FMN1: variants seen among roughly 807,000 people sequenced by gnomAD.
FMN1 encodes the protein formin-1.
A neutral mutation model predicts 132.4 loss-of-function variants in FMN1; 110 were observed. The ratio of observed to expected loss-of-function variants is 0.83; its 90% CI spans 0.71 to 0.97. The LOEUF (loss-of-function observed/expected upper bound fraction) is 0.97, where lower values mean the gene tolerates loss of function less well. Among genes scored for constraint, FMN1 ranks in the 50% least tolerant of loss-of-function variants. The probability of loss-of-function intolerance (pLI) is 0.00; values close to 1 mark genes in which losing one functional copy is unlikely to be tolerated. For synonymous variants in FMN1, 722 were observed against 651.7 expected (o/e 1.11, Z -1.64); for missense variants, 1,792 against 1,705.3 (o/e 1.05, Z -0.90).
intron 3 of FMN1, among the ~76,000 whole-genome samples, chr15:33,172,285 G>T (rs1277123296): frequency 6.6e-6 from 1 of 152,138 alleles, no homozygotes; most frequent in African/African-American, 2.4e-5. Flanking sequence ...ATGAAAATTT[G>T]ATGTAATTAC....
intron 7 of FMN1, among the ~76,000 whole-genome samples, chr15:32,996,368 C>T (rs2033769908): frequency 6.6e-6 from 1 of 152,184 alleles, no homozygotes; most frequent in African/African-American, 2.4e-5. Flanking sequence ...TGAATGGTCA[C>T]TTGACTTCAT....
intron 11 of FMN1, 119 bp downstream of exon 11, chr15:32,910,355 C>G: frequency 5.2e-6 from 4 of 765,690 alleles, no homozygotes; most frequent in Non-Finnish European, 8.8e-6. Context: ...TGTTTCTATG[C>G]CTTAATCTCT....
intron 4 of FMN1, among the ~76,000 whole-genome samples, chr15:33,096,248 G>C (rs764457122): frequency 2.0e-5 from 3 of 152,158 alleles, no homozygotes; most frequent in Non-Finnish European, 2.9e-5. Context: ...CTTTGCCTTA[G>C]CTCCATCCCA....
At chr15:32,825,740 C>G (rs1330518724) in intron 17 of FMN1, among the ~76,000 whole-genome samples, 3 of 152,220 alleles carry the variant, frequency 2.0e-5, no homozygotes, top group African/African-American at 4.8e-5. Context: ...CTCTATTACC[C>G]TTTTCATTGC....
At chr15:32,784,351 T>G (rs1051623033) in intron 19 of FMN1, among the ~76,000 whole-genome samples, 2 of 151,994 alleles carry the variant, frequency 1.3e-5, no homozygotes. Flanking sequence ...TTTATGTATG[T>G]TTTTAGACAA....
chr15:32,849,723 C>T (rs1002271739), intron 17 of FMN1, among the ~76,000 whole-genome samples: 2 of 151,904 alleles, frequency 1.3e-5, no homozygotes, highest in African/African-American at 2.4e-5. Context: ...GTGGTATGAT[C>T]TCAGCTCACT....
intron 7 of FMN1, among the ~76,000 whole-genome samples, chr15:32,971,961 G>C (rs988212982): frequency 6.6e-6 from 1 of 152,084 alleles, no homozygotes. Flanking sequence ...GCAGCTCTGA[G>C]GTAAGGCATT....
Position 32,939,467 on chromosome 15 carries a change from T to C in FMN1, c.3139-13206A>G, listed in dbSNP as rs115867954. Among the ~76,000 whole-genome samples the C allele has an allele frequency of 7.2e-3, 1,100 of 152,320 alleles. 9 individuals carry two copies. The highest frequency in any genetic ancestry group is 0.026 in the African/African-American group (1,065 of 41,570). On this transcript the variant is annotated intron_variant, in intron 9 of 20. Transcript: ENST00000616417. The stretch of plus-strand genomic sequence containing the variant: ...GACAAAGATTTTTTTTTTAATTTGT[T>C]ATCAACCAATATTACTACTTCGCTT...
chr15:33,050,346 C>T (rs2036911106), intron 6 of FMN1, among the ~76,000 whole-genome samples: 1 of 152,076 alleles, frequency 6.6e-6, no homozygotes, highest in South Asian at 2.1e-4. Context: ...AAAGAAGAGT[C>T]ATGGCAAGTT....
At chr15:32,878,898 G>A (rs1348582250) in intron 16 of FMN1, among the ~76,000 whole-genome samples, 3 of 152,102 alleles carry the variant, frequency 2.0e-5, no homozygotes, top group Non-Finnish European at 2.9e-5. Flanking sequence ...GAAATAGAGG[G>A]TGCAAACTGA....
chr15:32,925,839 T>C (rs998557), intron 10 of FMN1, among the ~76,000 whole-genome samples: 24,928 of 152,156 alleles, frequency 0.16, 2,725 homozygotes, highest in Non-Finnish European at 0.24. Context: ...GGTGGGCAGA[T>C]TGCATGAGCC....
chr15:32,920,993 G>A (rs2060806751), intron 10 of FMN1, among the ~76,000 whole-genome samples: 1 of 152,166 alleles, frequency 6.6e-6, no homozygotes, highest in Non-Finnish European at 1.5e-5. Context: ...TCACCTGGGT[G>A]CCAGACACAG....
intron 7 of FMN1, among the ~76,000 whole-genome samples, chr15:33,000,414 A>G (rs1008570638): frequency 5.6e-5 from 8 of 143,812 alleles, no homozygotes; most frequent in African/African-American, 1.5e-4. Context: ...CTGCCACTGC[A>G]CTCCAGCCTG....
rs2060224600 is a variant in FMN1 at position 32,898,892 on chromosome 15, T to C, written c.3656A>G (p.Asp1219Gly). ...GTAGTCCACCAGATTAATCCCATTATCCTAGGTTTAAAAGAGAAATGTACA... is the reference window on the plus strand; with the variant it reads ...GTAGTCCACCAGATTAATCCCATTACCCTAGGTTTAAAAGAGAAATGTACA... ...LPKLKDVKSR[D>G]NGINLVDYVV... The change falls in exon 15 of 21, where the codon GAT becomes GGT. Residue 1219 changes from aspartate (D) to glycine (G), a missense_variant and splice_region_variant. This residue lies in a region of FMN1 where 1,150 missense variants were observed against 1,043.1 expected (regional missense o/e 1.10). Coordinates refer to ENST00000616417, the MANE Select transcript of FMN1 (RefSeq NM_001277313.2). 6.3e-7 allele frequency: 1 copy of C among 1,582,950 alleles called. No homozygotes were observed. The highest frequency in any genetic ancestry group is 1.3e-5 in the African/African-American group (1 of 74,200).
chr15:32,934,598 CTTT>C (rs376553575), intron 9 of FMN1, among the ~76,000 whole-genome samples: 11 of 127,102 alleles, frequency 8.7e-5, no homozygotes, highest in Non-Finnish European at 6.7e-5. Flanking sequence ...AATTTTTTTC[CTTT>C]TTTTTTTTTT....
At chr15:32,828,035 G>A (rs1214298218) in intron 17 of FMN1, among the ~76,000 whole-genome samples, 3 of 152,214 alleles carry the variant, frequency 2.0e-5, no homozygotes, top group African/African-American at 4.8e-5. Flanking sequence ...GCTCATGCCT[G>A]TAATCCCAGC....
intron 3 of FMN1, among the ~76,000 whole-genome samples, chr15:33,175,736 C>T (rs921420846): frequency 2.6e-5 from 4 of 152,146 alleles, no homozygotes; most frequent in African/African-American, 9.7e-5. Flanking sequence ...CTCTTCCCAT[C>T]CCACACACAC....
chr15:33,095,942 C>A (rs2039068646), intron 4 of FMN1, among the ~76,000 whole-genome samples: 1 of 147,304 alleles, frequency 6.8e-6, no homozygotes, highest in Non-Finnish European at 1.5e-5. Flanking sequence ...ACTTCCTTTC[C>A]AAAAAGAAAT....
In FMN1 at chr15:32,968,792, C is replaced by T. The variant is rs139450496; in HGVS notation, c.2909G>A (p.Cys970Tyr). 4.6e-4 allele frequency: 737 copies of T among 1,609,306 alleles called. 4 individuals carry two copies. In the East Asian group the frequency reaches 0.013, roughly 29 times the overall value. Residue 970 changes from cysteine to tyrosine, a missense_variant, in exon 8 of 21, where the codon TGT (cysteine) becomes TAT (tyrosine). Around this residue, in one of 3 missense-constraint regions of FMN1, gnomAD observed 1,150 missense variants for 1,043.1 expected, o/e 1.10. Coordinates refer to ENST00000616417, the MANE Select transcript of FMN1 (RefSeq NM_001277313.2). ...FFGLGSSSSQ[C>Y]PRKPAIEPSC... is the part of the protein sequence containing the mutation. ...GGGCTCGATGGCTGGTTTTCGAGGA[C>T]ATTGACTGGAAGAAGAGCCAAGTCC...
Sources: gnomAD v4.1 joint callset for allele counts (sites outside exome capture counted in the v4.1 genomes callset) on GRCh38, gnomAD v4.1.1 for gene constraint, gnomAD v4.1.1 regional missense constraint, MANE v1.5 for transcripts, NCBI Gene and HGNC (gene_info 2026-07-23, HGNC 2026-07-21) for gene names.